GPC6: variants seen among roughly 807,000 people sequenced by gnomAD.
GPC6 encodes the protein glypican-6.
Under a neutral mutation model 55.2 loss-of-function variants are expected in GPC6, and 14 were observed. The observed-to-expected ratio is 0.25, with a 90% CI of 0.17 to 0.40. The LOEUF is 0.40. Among genes scored for constraint, GPC6 ranks in the 10% least tolerant of loss-of-function variants. GPC6 has a pLI of 1.00. For missense variants in GPC6, 641 were observed against 708.5 expected, an observed-to-expected ratio of 0.90 and a Z score of 1.08; for synonymous variants, 278 against 259.6, an observed-to-expected ratio of 1.07 and a Z score of -0.68.
At chr13:93,650,993 G>A (rs1442493011) in intron 2 of GPC6, among the ~76,000 whole-genome samples, 4 of 152,008 alleles carry the variant, frequency 2.6e-5, no homozygotes, top group African/African-American at 9.7e-5. Context: ...CAAGCATTAA[G>A]TATATGTGAA....
intron 6 of GPC6, among the ~76,000 whole-genome samples, chr13:94,340,010 G>C (rs112505180): frequency 6.6e-6 from 1 of 151,936 alleles, no homozygotes; most frequent in Non-Finnish European, 1.5e-5. Context: ...TGATCCACCC[G>C]CCTCACCCTC....
chr13:93,244,559 C>T (rs1252577887), intron 1 of GPC6, among the ~76,000 whole-genome samples: 1 of 152,222 alleles, frequency 6.6e-6, no homozygotes, highest in South Asian at 2.1e-4. Context: ...CCCCTCCTGG[C>T]GCCTGGGCGG....
chr13:93,592,359 A>AT (rs1472109502), intron 2 of GPC6, among the ~76,000 whole-genome samples: 13 of 72,070 alleles, frequency 1.8e-4, no homozygotes, highest in Admixed American at 1.7e-4. Flanking sequence ...TATATATGTA[A>AT]AATATATATA....
chr13:94,012,326 A>G (rs1882280366), intron 3 of GPC6, among the ~76,000 whole-genome samples: 1 of 152,132 alleles, frequency 6.6e-6, no homozygotes, highest in African/African-American at 2.4e-5. Flanking sequence ...GAGGTTAAGA[A>G]TGGGCATTAT....
chr13:94,182,849 C>T (rs1420716902), intron 4 of GPC6, among the ~76,000 whole-genome samples: 1 of 152,166 alleles, frequency 6.6e-6, no homozygotes, highest in Admixed American at 6.5e-5. Context: ...AAACAGGGTT[C>T]ACTACAGCCT....
At chr13:94,315,423 G>A (rs9516387) in intron 6 of GPC6, among the ~76,000 whole-genome samples, 2,597 of 152,306 alleles carry the variant, frequency 0.017, 37 homozygotes, top group East Asian at 0.066. Flanking sequence ...GGGTGACAGA[G>A]CAGCCATTAT....
chr13:94,304,678 G>A (rs1875848459), intron 5 of GPC6, among the ~76,000 whole-genome samples: 2 of 152,190 alleles, frequency 1.3e-5, no homozygotes, highest in African/African-American at 4.8e-5. Flanking sequence ...TCGATAACCA[G>A]CACAGAGTGT....
At chr13:94,379,377 T>A (rs1205639781) in intron 6 of GPC6, among the ~76,000 whole-genome samples, 2 of 152,168 alleles carry the variant, frequency 1.3e-5, no homozygotes, top group Non-Finnish European at 2.9e-5. Flanking sequence ...TTTGATGTTA[T>A]CTCCTTCAAC....
chr13:93,830,946 C>T (rs557014629), intron 3 of GPC6: 1 of 171,272 alleles, frequency 5.8e-6, no homozygotes, highest in Non-Finnish European at 1.2e-5. Context: ...AGATGACAGT[C>T]TTCATGGACC....
chr13:93,357,691 C>A (rs958360585), intron 1 of GPC6, among the ~76,000 whole-genome samples: 5 of 151,964 alleles, frequency 3.3e-5, no homozygotes, highest in African/African-American at 1.2e-4. Flanking sequence ...AAAAAATAGC[C>A]AAACATGGTA....
intron 2 of GPC6, among the ~76,000 whole-genome samples, chr13:93,742,707 T>C (rs539074441): frequency 4.6e-5 from 7 of 152,302 alleles, no homozygotes; most frequent in African/African-American, 7.2e-5. Context: ...ATCATCACAC[T>C]GATAAGAAGC....
intron 1 of GPC6, among the ~76,000 whole-genome samples, chr13:93,534,029 G>T (rs1194801567): frequency 6.6e-6 from 1 of 152,072 alleles, no homozygotes; most frequent in Middle Eastern, 3.2e-3. Flanking sequence ...TGAAGGGAAA[G>T]AAATGACTGG....
chr13:93,755,377 A>G (rs1030285146), intron 2 of GPC6, among the ~76,000 whole-genome samples: 4 of 152,130 alleles, frequency 2.6e-5, no homozygotes, highest in East Asian at 1.9e-4. Context: ...TTTGCCTCCT[A>G]TAGAAGCAGC....
chr13:93,553,630 GGTTGCA>G (rs1875282965), intron 2 of GPC6, among the ~76,000 whole-genome samples: 1 of 148,334 alleles, frequency 6.7e-6, no homozygotes, highest in South Asian at 2.1e-4. Context: ...AGGAGGCAGA[GGTTGCA>G]GTGAGCTGAG....
chr13:93,386,436 A>G (rs1875409759), intron 1 of GPC6, among the ~76,000 whole-genome samples: 1 of 152,158 alleles, frequency 6.6e-6, no homozygotes, highest in Non-Finnish European at 1.5e-5. Flanking sequence ...GCCCACGGGA[A>G]CCAATCTTGT....
chr13:93,587,352 G>C (rs986108297), intron 2 of GPC6, among the ~76,000 whole-genome samples: 1 of 152,078 alleles, frequency 6.6e-6, no homozygotes, highest in Non-Finnish European at 1.5e-5. Flanking sequence ...CATGTTACCC[G>C]CTATTACCAT....
chr13:93,449,041 G>A (rs9524071), intron 1 of GPC6, among the ~76,000 whole-genome samples: 90,524 of 152,028 alleles, frequency 0.6, 27,907 homozygotes, highest in Middle Eastern at 0.73. Flanking sequence ...CTGTGTAAAG[G>A]CACAAGACAT....
Position 93,341,237 on chromosome 13 carries a change from A to G in GPC6, c.160+113621A>G, listed in dbSNP as rs186163188. ...ATATGTGTGCATGTGTCTTTTTCAT[A>G]TAATGACTTCTTTTGGGTAGCTACC... On this transcript the variant is annotated intron_variant, in intron 1 of 8. Coordinates refer to ENST00000377047, the MANE Select transcript of GPC6 (RefSeq NM_005708.5). Among the ~76,000 whole-genome samples, 3 of 152,310 alleles carry G rather than the reference A, an allele frequency of 2.0e-5. No individual in the cohort carries two copies. In the East Asian group the frequency reaches 5.8e-4, roughly 29 times the overall value.
intron 1 of GPC6, among the ~76,000 whole-genome samples, chr13:93,249,400 G>A (rs1401363238): frequency 6.6e-6 from 1 of 152,122 alleles, no homozygotes; most frequent in Non-Finnish European, 1.5e-5. Context: ...TTCCCTTTCT[G>A]TTGTTCTGAG....
Sources: allele counts gnomAD v4.1 joint callset (sites outside exome capture counted in the v4.1 genomes callset), GRCh38; gene constraint gnomAD v4.1.1; transcripts MANE v1.5; gene names NCBI Gene and HGNC (gene_info 2026-07-23, HGNC 2026-07-21).